MMP8: variants seen among roughly 807,000 people sequenced by gnomAD.
The protein encoded by MMP8 is neutrophil collagenase.
In MMP8, 67 loss-of-function variants were observed where a neutral mutation model predicts 51.2. The ratio of observed to expected loss-of-function variants is 1.31; its 90% CI spans 1.08 to 1.60. The LOEUF is 1.60. Ranked by LOEUF, MMP8 falls within the 40% of genes most tolerant of loss-of-function variation. The pLI, the probability that MMP8 is intolerant of heterozygous loss-of-function variation, is 0.00. For missense variants in MMP8, 654 were observed against 558.1 expected (o/e 1.17, Z -1.73); for synonymous variants, 225 against 191.0 (o/e 1.18, Z -1.47).
At position 102,713,475 on chromosome 11, in the gene MMP8, T is replaced by G. The variant is rs1205557242; in HGVS notation, c.1295-18A>C. ...GAAGAAATCTATAAAAAAAGAGAGATAATTTATTGAATTAGCTTATAGAAT... is the reference window on the plus strand; with the variant it reads ...GAAGAAATCTATAAAAAAAGAGAGAGAATTTATTGAATTAGCTTATAGAAT... On this transcript the variant is annotated intron_variant, in intron 9 of 9. Transcript: ENST00000236826. 17 of 1,569,356 alleles carry G rather than the reference T, an allele frequency of 1.1e-5. No individual in the cohort carries two copies. The highest frequency in any genetic ancestry group is 1.5e-5 in the Non-Finnish European group (17 of 1,139,926).
In MMP8 at chr11:102,713,735, GT is replaced by G. The variant is rs3832755; in HGVS notation, c.1294+18del. The G allele has an allele frequency of 4.7e-6, 7 of 1,477,982 alleles. No homozygotes were observed. The highest frequency in any genetic ancestry group is 6.5e-6 in the Non-Finnish European group (7 of 1,079,348). The allele number at this position is 1,477,982 out of a possible 1,614,324, so 91.6% of individuals were successfully genotyped here. Reference sequence around the variant, plus strand: ...AACAAACAAACAACACATTTATTAGGTTTTTTTTTCCTACTTACGTTCTTGC... The same window carrying G: ...AACAAACAAACAACACATTTATTAGGTTTTTTTTCCTACTTACGTTCTTGC... On this transcript the variant is annotated intron_variant, in intron 9 of 9. Transcript: ENST00000236826.
intron 6 of MMP8, 43 bp from the exon 7 acceptor site, chr11:102,715,480 C>G (rs1003255756): frequency 6.3e-7 from 1 of 1,577,786 alleles, no homozygotes; most frequent in South Asian, 1.2e-5. Flanking sequence ...TTATACATAA[C>G]AGTCTAAGTA....
rs1395236382 is a variant in MMP8 at position 102,721,505 on chromosome 11, A to G, written c.518T>C (p.Phe173Ser). The change falls in exon 4 of 10, where the codon TTT (phenylalanine) becomes TCT (serine). Residue 173 changes from phenylalanine to serine, a missense_variant. Transcript: ENST00000236826. ...AGCAAGGATTCCATTGGGTCCATCA[A>G]ATGGAGAATTGTCACCGTGATCTGA... ...YQRDHGDNSP[F>S]DGPNGILAHA... The G allele has an allele frequency of 9.9e-6, 16 of 1,613,884 alleles. No individual in the cohort carries two copies. The South Asian group carries it at 1.6e-4, about 17-fold the overall frequency.
rs773189329 is a variant in MMP8 at position 102,713,428 on chromosome 11, A to G, written c.1324T>C (p.Tyr442His). The change falls in exon 10 of 10, where the codon TAT becomes CAT. Residue 442 changes from tyrosine (Y) to histidine (H), a missense_variant. Physicochemically the swap from Tyr to His is moderately conservative, Grantham distance 83. Transcript: ENST00000236826. ...TGAGCAATAAGATCAAATGCGTAAT[A>G]TCTTGGTCCACTGAAGACATGGAAG... ...HFFHVFSGPR[Y>H]YAFDLIAQRV... 5 of 1,613,320 alleles carry G rather than the reference A, an allele frequency of 3.1e-6. No homozygotes were observed. The Admixed American group carries it at 6.7e-5, about 22-fold the overall frequency.
chr11:102,722,910 G>A, intron 1 of MMP8: 1 of 1,072,928 alleles, frequency 9.3e-7, no homozygotes, highest in South Asian at 1.4e-5. Context: ...CATAAGGGAT[G>A]AGGATCACAT....
chr11:102,713,322 T>C lies in MMP8; in HGVS notation c.*26A>G. 1 of 1,498,356 alleles carries C rather than the reference T, an allele frequency of 6.7e-7. No homozygotes were observed. The highest frequency in any genetic ancestry group is 1.1e-5 in the South Asian group (1 of 88,510). 92.8% of individuals were successfully genotyped at this position (1,498,356 alleles called of 1,614,324 possible). A position where few individuals can be genotyped will look rare whatever the true frequency, so the allele number is the denominator to read the frequency against. The stretch of plus-strand genomic sequence containing the variant: ...GAACTTCCCTTCAACATTCTGAAAG[T>C]GGATACAGCCACATTTGATTTTGCT... On this transcript the variant is annotated 3_prime_UTR_variant, in exon 10 of 10. Coordinates refer to ENST00000236826, the MANE Select transcript of MMP8 (RefSeq NM_002424.3).
chr11:102,712,074 A>T lies in MMP8; in HGVS notation c.*1274T>A, dbSNP rs1405348049. The stretch of plus-strand genomic sequence containing the variant: ...AAATCCTATAGTTCTTAACAAAAAA[A>T]CCCATCCGTTAGCAAACTTACACAT... On this transcript the variant is annotated 3_prime_UTR_variant, in exon 10 of 10. Transcript: ENST00000236826. 1 of 152,214 alleles carries T rather than the reference A, an allele frequency of 6.6e-6. No individual in the cohort carries two copies. Among genetic ancestry groups the T allele is most frequent in the African/African-American group, 2.4e-5 (1 of 41,450 alleles). 9.4% of individuals were successfully genotyped at this position (152,214 alleles called of 1,614,324 possible).
chr11:102,713,641 G>C (rs1013394606), intron 9 of MMP8, 113 bp downstream of exon 9: 18 of 1,066,316 alleles, frequency 1.7e-5, no homozygotes, highest in Non-Finnish European at 2.2e-5. Flanking sequence ...TGAGGTGGGA[G>C]GATTGCTTGA....
intron 5 of MMP8, among the ~76,000 whole-genome samples, chr11:102,717,662 C>T (rs1189162829): frequency 1.3e-5 from 2 of 152,158 alleles, no homozygotes; most frequent in Non-Finnish European, 2.9e-5. Flanking sequence ...CAGGTGTCTT[C>T]CAACTTCCAT....
intron 5 of MMP8, 33 bp downstream of exon 5, chr11:102,718,381 C>T (rs1226970591): frequency 1.9e-6 from 3 of 1,590,096 alleles, no homozygotes; most frequent in Non-Finnish European, 2.6e-6. Flanking sequence ...CCAGGTCCTA[C>T]CATGTACTAT....
chr11:102,719,818 A>T (rs1393075077), intron 4 of MMP8, among the ~76,000 whole-genome samples: 1 of 152,226 alleles, frequency 6.6e-6, no homozygotes, highest in East Asian at 1.9e-4. Context: ...AAGAGGAGAG[A>T]TGTGTGCAAA....
At position 102,714,571 on chromosome 11, in the gene MMP8, T is replaced by C. The variant is rs1861223154; in HGVS notation, c.1175A>G (p.Asn392Ser). 2 of 1,475,024 alleles carry C rather than the reference T, an allele frequency of 1.4e-6. No individual in the cohort carries two copies. The highest frequency in any genetic ancestry group is 1.8e-6 in the Non-Finnish European group (2 of 1,111,020). 91.4% of individuals were successfully genotyped at this position (1,475,024 alleles called of 1,614,324 possible). A position where few individuals can be genotyped will look rare whatever the true frequency, so the allele number is the denominator to read the frequency against. ...FYRSKTYFFV[N>S]DQFWRYDNQR... ...TTTACGTTACCTCCAGAATTGGTCA[T>C]TTACAAAGAAGTATGTTTTACTTCT... The change falls in exon 8 of 10, where the codon AAT becomes AGT. Residue 392 changes from asparagine to serine, a missense_variant. Physicochemically the swap from Asn to Ser is conservative, Grantham distance 46. Transcript: ENST00000236826.
At chr11:102,721,325 T>TGTGA (rs1861462852) in intron 4 of MMP8, 76 bp downstream of exon 4, 2 of 1,539,318 alleles carry the variant, frequency 1.3e-6, no homozygotes, top group East Asian at 4.5e-5. Context: ...TTATTGTGTG[T>TGTGA]GTGTGTGTGT....
chr11:102,716,887 T>C (rs1455789353), intron 5 of MMP8, among the ~76,000 whole-genome samples: 1 of 152,220 alleles, frequency 6.6e-6, no homozygotes, highest in African/African-American at 2.4e-5. Context: ...TCATGTGTTT[T>C]CTCACTGTGG....
At position 102,724,800 on chromosome 11, in the gene MMP8, T is replaced by C. The variant is rs771029811; in HGVS notation, c.56A>G (p.Lys19Arg). The C allele has an allele frequency of 6.2e-7, 1 of 1,608,934 alleles. No homozygotes were observed. The highest frequency in any genetic ancestry group is 8.5e-7 in the Non-Finnish European group (1 of 1,176,972). Residue 19 changes from lysine (K) to arginine (R), a missense_variant, in exon 1 of 10, where the codon AAG becomes AGG. Coordinates refer to ENST00000236826, the MANE Select transcript of MMP8 (RefSeq NM_002424.3). ...FLLLLHVQIS[K>R]AFPVSSKEKN... ...CTCTTTAGAAGATACAGGAAAGGCC[T>C]TGGAAATCTGCACATGGAGTAAGAG...
At position 102,721,667 on chromosome 11, in the gene MMP8, A is replaced by C; in HGVS notation, c.443T>G (p.Phe148Cys). Residue 148 changes from phenylalanine (F) to cysteine (C), a missense_variant, in exon 3 of 10, where the codon TTC (phenylalanine) becomes TGC (cysteine). Coordinates refer to ENST00000236826, the MANE Select transcript of MMP8 (RefSeq NM_002424.3). The part of the protein sequence containing the change: ...ELWSVASPLI[F>C]TRISQGEADI... ...TGCCTCTCCCTGTGAGATCCTGGTG[A>C]AGATGAGAGGTGATGCAACACTCCA... 1 of 1,613,872 alleles carries C rather than the reference A, an allele frequency of 6.2e-7. No homozygotes were observed. The highest frequency in any genetic ancestry group is 1.1e-5 in the South Asian group (1 of 91,066).
Position 102,716,424 on chromosome 11 carries a change from A to T in MMP8, c.785-5T>A. On this transcript the variant is annotated splice_polypyrimidine_tract_variant and splice_region_variant and intron_variant, in intron 5 of 9. Transcript: ENST00000236826. ...GGATAGGGTTGCTTGAAAGTCCTGGAAAAAAAAAAAAAAAAAAAAAAAAGG... is the reference window on the plus strand; with the variant it reads ...GGATAGGGTTGCTTGAAAGTCCTGGTAAAAAAAAAAAAAAAAAAAAAAAGG... The T allele has an allele frequency of 1.3e-4, 41 of 317,862 alleles. No homozygotes were observed. The highest frequency in any genetic ancestry group is 3.5e-4 in the Admixed American group (3 of 8,482). The allele number at this position is 317,862 out of a possible 1,614,324, so 19.7% of individuals were successfully genotyped here.
At chr11:102,717,665 ACTT>A in intron 5 of MMP8, among the ~76,000 whole-genome samples, 1 of 152,084 alleles carries the variant, frequency 6.6e-6, no homozygotes, top group Non-Finnish European at 1.5e-5. Flanking sequence ...GTGTCTTCCA[ACTT>A]CCATTACCAC....
Position 102,715,454 on chromosome 11 carries a change from A to G in MMP8, c.903-17T>C. On this transcript the variant is annotated splice_polypyrimidine_tract_variant and intron_variant, in intron 6 of 9. Coordinates refer to ENST00000236826, the MANE Select transcript of MMP8 (RefSeq NM_002424.3). ...CAGAAGTACCTAACGGAACATAAGG[A>G]AACACACACACACACTTATACATAA... 2 of 1,607,144 alleles carry G rather than the reference A, an allele frequency of 1.2e-6. No individual in the cohort carries two copies. The highest frequency in any genetic ancestry group is 1.3e-5 in the African/African-American group (1 of 74,714).
Sources: gnomAD v4.1 joint callset for allele counts (sites outside exome capture counted in the v4.1 genomes callset) on GRCh38, gnomAD v4.1.1 for gene constraint, MANE v1.5 for transcripts, NCBI Gene and HGNC (gene_info 2026-07-23, HGNC 2026-07-21) for gene names.